Variants in BMERB1 observed in about 807,000 individuals in gnomAD.
BMERB1 encodes the protein bMERB domain-containing protein 1.
BMERB1 carries 12 observed loss-of-function variants against 23.6 expected under a neutral mutation model. The observed-to-expected ratio is 0.51, with a 90% CI of 0.33 to 0.82. The LOEUF (loss-of-function observed/expected upper bound fraction) is 0.82, where lower values mean the gene tolerates loss of function less well. Ranked by LOEUF, BMERB1 falls within the 40% of genes least tolerant of loss-of-function variation. The probability of loss-of-function intolerance (pLI) is 0.03; values close to 1 mark genes in which losing one functional copy is unlikely to be tolerated. For synonymous variants in BMERB1, 122 were observed against 96.6 expected, an observed-to-expected ratio of 1.26 and a Z score of -1.54; for missense variants, 247 against 255.4, an observed-to-expected ratio of 0.97 and a Z score of 0.22.
At chr16:15,511,868 C>T (rs1261479902) in intron 1 of BMERB1, among the ~76,000 whole-genome samples, 2 of 151,900 alleles carry the variant, frequency 1.3e-5, no homozygotes, top group Non-Finnish European at 2.9e-5. Context: ...AAAAAATTAG[C>T]CAGGCGTGGT....
intron 1 of BMERB1, among the ~76,000 whole-genome samples, chr16:15,507,751 C>T (rs1311365265): frequency 6.6e-6 from 1 of 152,132 alleles, no homozygotes; most frequent in East Asian, 1.9e-4. Flanking sequence ...AAGAAGCTGA[C>T]TGTGTGTGAT....
At chr16:15,577,226 C>T (rs1019249426) in intron 3 of BMERB1, 9 of 152,148 alleles carry the variant, frequency 5.9e-5, no homozygotes, top group African/African-American at 1.9e-4. Context: ...AGCATTCACC[C>T]GTGTAAGCTT....
intron 3 of BMERB1, among the ~76,000 whole-genome samples, chr16:15,569,714 T>C (rs2030675719): frequency 6.6e-6 from 1 of 152,186 alleles, no homozygotes; most frequent in Non-Finnish European, 1.5e-5. Flanking sequence ...TGGATCATCA[T>C]TCATCAGAAA....
At chr16:15,583,068 C>G in intron 4 of BMERB1, 88 bp from the exon 5 acceptor site, 2 of 1,004,174 alleles carry the variant, frequency 2.0e-6, no homozygotes, top group Non-Finnish European at 3.2e-6. Flanking sequence ...AAGCCTGTTG[C>G]TTAACCTATT....
intron 1 of BMERB1, among the ~76,000 whole-genome samples, chr16:15,462,494 C>G (rs2051144779): frequency 6.6e-6 from 1 of 152,010 alleles, no homozygotes; most frequent in South Asian, 2.1e-4. Context: ...GTCCAAGATC[C>G]CATGAGCTCA....
chr16:15,471,382 T>TC (rs1336164697), intron 1 of BMERB1, among the ~76,000 whole-genome samples: 6 of 152,364 alleles, frequency 3.9e-5, no homozygotes, highest in African/African-American at 1.4e-4. Context: ...AATTATGCAC[T>TC]CATTTTCCTT....
intron 1 of BMERB1, among the ~76,000 whole-genome samples, chr16:15,436,935 C>G (rs904966230): frequency 6.6e-6 from 1 of 151,562 alleles, no homozygotes; most frequent in African/African-American, 2.4e-5. Flanking sequence ...AATTTTAAAA[C>G]AAAACATTTT....
intron 3 of BMERB1, among the ~76,000 whole-genome samples, chr16:15,570,956 C>T (rs576853287): frequency 2.5e-4 from 38 of 152,108 alleles, no homozygotes; most frequent in Admixed American, 1.4e-3. Flanking sequence ...GTAGTGAGGA[C>T]GACCAGAGGT....
chr16:15,470,517 T>TTTTC (rs1283495006), intron 1 of BMERB1, among the ~76,000 whole-genome samples: 2 of 140,376 alleles, frequency 1.4e-5, no homozygotes, highest in African/African-American at 5.1e-5. Context: ...GAGTGTTCCT[T>TTTTC]TTTCTTTCTT....
At chr16:15,546,640 G>A (rs1412387671) in intron 2 of BMERB1, among the ~76,000 whole-genome samples, 3 of 152,186 alleles carry the variant, frequency 2.0e-5, no homozygotes, top group Non-Finnish European at 4.4e-5. Flanking sequence ...GTGTAAGTGT[G>A]CGTTCACCTA....
At chr16:15,468,654 C>T (rs543054157) in intron 1 of BMERB1, among the ~76,000 whole-genome samples, 37 of 152,220 alleles carry the variant, frequency 2.4e-4, no homozygotes, top group Admixed American at 1.4e-3. Flanking sequence ...TTATACTCTT[C>T]ACAGACTCTT....
intron 1 of BMERB1, among the ~76,000 whole-genome samples, chr16:15,455,904 C>T (rs747891993): frequency 1.3e-5 from 2 of 152,128 alleles, no homozygotes; most frequent in African/African-American, 2.4e-5. Flanking sequence ...TTGAAAGGTC[C>T]GTCGTTAATG....
intron 2 of BMERB1, among the ~76,000 whole-genome samples, chr16:15,531,551 CAG>C (rs1311697243): frequency 2.0e-5 from 3 of 152,192 alleles, no homozygotes; most frequent in Non-Finnish European, 4.4e-5. Context: ...GCAACAATGA[CAG>C]AGACGGCCCT....
chr16:15,586,112 GAC>G (rs2031133313), intron 5 of BMERB1, among the ~76,000 whole-genome samples: 1 of 151,972 alleles, frequency 6.6e-6, no homozygotes, highest in African/African-American at 2.4e-5. Flanking sequence ...TAAATACAGA[GAC>G]ACAGCTGAAG....
chr16:15,446,500 C>T (rs971086867), intron 1 of BMERB1, among the ~76,000 whole-genome samples: 1 of 152,206 alleles, frequency 6.6e-6, no homozygotes, highest in Admixed American at 6.5e-5. Flanking sequence ...ACAAAACGTT[C>T]TGTGAGATGA....
At chr16:15,443,289 T>C (rs2050957150) in intron 1 of BMERB1, among the ~76,000 whole-genome samples, 1 of 148,494 alleles carries the variant, frequency 6.7e-6, no homozygotes. Flanking sequence ...GCGGTGGCTC[T>C]CATGTGTAAT....
intron 2 of BMERB1, among the ~76,000 whole-genome samples, chr16:15,554,939 TAC>T (rs1340751533): frequency 2.0e-5 from 3 of 152,164 alleles, no homozygotes; most frequent in Non-Finnish European, 2.9e-5. Context: ...GTGCTGGGAT[TAC>T]AGACTTGAGC....
chr16:15,440,904 A>G (rs1429244329), intron 1 of BMERB1, among the ~76,000 whole-genome samples: 1 of 152,202 alleles, frequency 6.6e-6, no homozygotes, highest in East Asian at 1.9e-4. Context: ...TTTCATGGGC[A>G]TTAATAGGGA....
At chr16:15,529,645 A>T (rs1017570885) in intron 2 of BMERB1, among the ~76,000 whole-genome samples, 1 of 152,044 alleles carries the variant, frequency 6.6e-6, no homozygotes, top group African/African-American at 2.4e-5. Context: ...ACACAGCCAA[A>T]CTCAGCGTAG....
Sources: gnomAD v4.1 joint callset for allele counts (sites outside exome capture counted in the v4.1 genomes callset) on GRCh38, gnomAD v4.1.1 for gene constraint, MANE v1.5 for transcripts, NCBI Gene and HGNC (gene_info 2026-07-23, HGNC 2026-07-21) for gene names.